STEAP4: variants seen among roughly 807,000 people sequenced by gnomAD.
STEAP4 encodes metalloreductase STEAP4.
Under a neutral mutation model 43.6 loss-of-function variants are expected in STEAP4, and 36 were observed. The ratio of observed to expected loss-of-function variants is 0.83; its 90% CI spans 0.63 to 1.09. The LOEUF is 1.09. Ranked by LOEUF, STEAP4 falls within the 50% of genes least tolerant of loss-of-function variation. STEAP4 has a pLI of 0.00. For synonymous variants in STEAP4, 191 were observed against 196.7 expected, an observed-to-expected ratio of 0.97 and a Z score of 0.24; for missense variants, 495 against 546.5, an observed-to-expected ratio of 0.91 and a Z score of 0.94.
At position 88,279,060 on chromosome 7, in the gene STEAP4, G is replaced by A. The variant is rs936591152; in HGVS notation, c.*338C>T. On this transcript the variant is annotated 3_prime_UTR_variant, in exon 5 of 5. Transcript: ENST00000380079. The stretch of plus-strand genomic sequence containing the variant: ...AGAAGGAAGCTGCAATACTTCTATT[G>A]GATTTTGCAAGACATTAGGTCATGC... 2 of 257,510 alleles carry A rather than the reference G, an allele frequency of 7.8e-6. No individual in the cohort carries two copies. The highest frequency in any genetic ancestry group is 9.2e-5 in the East Asian group (1 of 10,890). The allele number at this position is 257,510 out of a possible 1,614,324, so 16.0% of individuals were successfully genotyped here.
intron 3 of STEAP4, 100 bp downstream of exon 3, chr7:88,282,541 A>T: frequency 6.2e-6 from 7 of 1,129,728 alleles, no homozygotes; most frequent in Non-Finnish European, 8.7e-6. Flanking sequence ...AAAAAAGAAG[A>T]TGCTTAGAAG....
In STEAP4 at chr7:88,276,213, C is replaced by G. The variant is rs372273803; in HGVS notation, c.*3185G>C. ...GTAATACTGAAGCACACACAGCATA[C>G]TGGACTGTGCCACCCCGCTGAGCTC... is the stretch of plus-strand genomic sequence containing the variant. On this transcript the variant is annotated 3_prime_UTR_variant, in exon 5 of 5. Transcript: ENST00000380079. 6.6e-6 allele frequency: 1 copy of G among 152,284 alleles called. No individual in the cohort carries two copies. Among genetic ancestry groups the G allele is most frequent in the African/African-American group, 2.4e-5 (1 of 41,460 alleles). 9.4% of individuals were successfully genotyped at this position (152,284 alleles called of 1,614,324 possible).
At position 88,279,429 on chromosome 7, in the gene STEAP4, C is replaced by T. The variant is rs139169038; in HGVS notation, c.1349G>A (p.Arg450His). The change falls in exon 5 of 5, where the codon CGC (arginine) becomes CAC (histidine). Residue 450 changes from arginine to histidine, a missense_variant. Arg to His is a conservative substitution (Grantham distance 29). Coordinates refer to ENST00000380079, the MANE Select transcript of STEAP4 (RefSeq NM_024636.4). ...TTTTGAGTTCCTTTCCCAGCCCTGG[C>T]GGATCCTTGTAAGGGTGTTGTCTAC... The part of the protein sequence containing the change: ...PCVDNTLTRI[R>H]QGWERNSKH 2.0e-4 allele frequency: 324 copies of T among 1,614,098 alleles called. No homozygotes were observed. Among genetic ancestry groups the T allele is most frequent in the Non-Finnish European group, 2.6e-4 (301 of 1,179,984 alleles).
chr7:88,287,842 T>C (rs1198578789), intron 1 of STEAP4, among the ~76,000 whole-genome samples: 1 of 152,228 alleles, frequency 6.6e-6, no homozygotes, highest in Non-Finnish European at 1.5e-5. Flanking sequence ...CTGTTAGTCC[T>C]ACAAAGGCAG....
intron 1 of STEAP4, among the ~76,000 whole-genome samples, chr7:88,291,523 T>C (rs951001273): frequency 6.6e-6 from 1 of 151,106 alleles, no homozygotes; most frequent in African/African-American, 2.4e-5. Flanking sequence ...GAAATAGATA[T>C]ATGCACACTC....
chr7:88,294,388 A>G (rs1200245989), intron 1 of STEAP4, among the ~76,000 whole-genome samples: 2 of 152,032 alleles, frequency 1.3e-5, no homozygotes, highest in African/African-American at 4.8e-5. Flanking sequence ...ATATGCAAGT[A>G]ACTTAAAATG....
chr7:88,283,706 A>G, intron 2 of STEAP4, 108 bp downstream of exon 2: 2 of 1,210,108 alleles, frequency 1.7e-6, no homozygotes, highest in Non-Finnish European at 2.3e-6. Context: ...GCAAAATGTA[A>G]TATTTAGTGG....
At chr7:88,298,959 A>T (rs1304788322) in intron 1 of STEAP4, among the ~76,000 whole-genome samples, 4 of 152,228 alleles carry the variant, frequency 2.6e-5, no homozygotes, top group African/African-American at 4.8e-5. Flanking sequence ...AAGTCACAAG[A>T]GCATAATTAA....
intron 3 of STEAP4, 172 bp downstream of exon 3, chr7:88,282,469 A>G (rs934436760): frequency 1.4e-6 from 1 of 708,898 alleles, no homozygotes; most frequent in Non-Finnish European, 2.3e-6. Flanking sequence ...TAATAGTTGT[A>G]TGAGATCTAA....
chr7:88,283,785 A>C (rs763037641), intron 2 of STEAP4, 29 bp downstream of exon 2: 15 of 1,578,574 alleles, frequency 9.5e-6, no homozygotes, highest in Admixed American at 3.6e-5. Flanking sequence ...CATGTTTTAA[A>C]GATTGAGTGT....
At position 88,277,663 on chromosome 7, in the gene STEAP4, C is replaced by A. The variant is rs1364857030; in HGVS notation, c.*1735G>T. The A allele has an allele frequency of 6.6e-6, 1 of 152,106 alleles. No individual in the cohort carries two copies. The highest frequency in any genetic ancestry group is 1.5e-5 in the Non-Finnish European group (1 of 68,040). The allele number at this position is 152,106 out of a possible 1,614,324, so 9.4% of individuals were successfully genotyped here. A position where few individuals can be genotyped will look rare whatever the true frequency, so the allele number is the denominator to read the frequency against. ...TCACTTGACGCCAGCATTTCAAGAC[C>A]AGCCTGACCAATGTGGTGAAACCCT... is the stretch of plus-strand genomic sequence containing the variant. On this transcript the variant is annotated 3_prime_UTR_variant, in exon 5 of 5. Transcript: ENST00000380079.
rs1482587771 is a variant in STEAP4, at chr7:88,273,718, G to A, written c.*5680C>T. 2.0e-5 allele frequency: 3 copies of A among 151,998 alleles called. No homozygotes were observed. The highest frequency in any genetic ancestry group is 6.6e-5 in the Admixed American group (1 of 15,262). The allele number at this position is 151,998 out of a possible 1,614,324, so 9.4% of individuals were successfully genotyped here. A position where few individuals can be genotyped will look rare whatever the true frequency, so the allele number is the denominator to read the frequency against. ...CTATCCTCTCCTTGACTGCCCCTTC[G>A]AGTCCTCAGGTCTGGGGATTTTACC... is the stretch of plus-strand genomic sequence containing the variant. On this transcript the variant is annotated 3_prime_UTR_variant, in exon 5 of 5. Coordinates refer to ENST00000380079, the MANE Select transcript of STEAP4 (RefSeq NM_024636.4).
At chr7:88,302,337 T>C (rs1853049726) in intron 1 of STEAP4, among the ~76,000 whole-genome samples, 1 of 152,198 alleles carries the variant, frequency 6.6e-6, no homozygotes, top group Non-Finnish European at 1.5e-5. Flanking sequence ...ATGAAGCATA[T>C]AATCAAATTG....
rs1041783620 is a variant in STEAP4 at position 88,279,297 on chromosome 7, A to T, written c.*101T>A. On this transcript the variant is annotated 3_prime_UTR_variant, in exon 5 of 5. Transcript: ENST00000380079. ...ACGGTGTAAGAAAAAAACTTTCCTA[A>T]CTGTACCCATCATTCTTCTTTAAAC... 20 of 1,137,782 alleles carry T rather than the reference A, an allele frequency of 1.8e-5. No homozygotes were observed. The Admixed American group carries it at 4.0e-4, about 23-fold the overall frequency. The allele number at this position is 1,137,782 out of a possible 1,614,324, so 70.5% of individuals were successfully genotyped here. A position where few individuals can be genotyped will look rare whatever the true frequency, so the allele number is the denominator to read the frequency against.
chr7:88,288,854 T>G (rs1368310086), intron 1 of STEAP4, among the ~76,000 whole-genome samples: 1 of 152,152 alleles, frequency 6.6e-6, no homozygotes, highest in Non-Finnish European at 1.5e-5. Context: ...AAAACTAAAC[T>G]GAAATACTGT....
chr7:88,305,806 T>C (rs1054303329), intron 1 of STEAP4, among the ~76,000 whole-genome samples: 8 of 152,238 alleles, frequency 5.3e-5, no homozygotes, highest in African/African-American at 1.9e-4. Flanking sequence ...TTCTGGATCA[T>C]CTGGCCCAGT....
intron 1 of STEAP4, among the ~76,000 whole-genome samples, chr7:88,290,610 A>G (rs1278807505): frequency 6.6e-6 from 1 of 152,164 alleles, no homozygotes; most frequent in African/African-American, 2.4e-5. Flanking sequence ...AAAAATTTCT[A>G]AGTAACTAAA....
intron 2 of STEAP4, 36 bp from the exon 3 acceptor site, chr7:88,283,204 TC>T: frequency 2.0e-6 from 3 of 1,501,130 alleles, no homozygotes; most frequent in Non-Finnish European, 2.7e-6. Flanking sequence ...CTGTATTTAC[TC>T]CTTTTCCTTA....
At position 88,282,648 on chromosome 7, in the gene STEAP4, A is replaced by G. The variant is rs2115956580; in HGVS notation, c.977T>C (p.Val326Ala). Residue 326 changes from valine (V) to alanine (A), a missense_variant, in exon 3 of 5, where the codon GTT (valine) becomes GCT (alanine). Val to Ala is a moderately conservative substitution (Grantham distance 64). Transcript: ENST00000380079. Reference sequence around the variant, plus strand: ...ATATAAGAAGAGATTTACCTGGGTAACGGTTAAGTTTCCCAATCTCCATCG... The same window carrying G: ...ATATAAGAAGAGATTTACCTGGGTAGCGGTTAAGTTTCCCAATCTCCATCG... ...YVRWRLGNLT[V>A]TQAILKKENP... 6.2e-7 allele frequency: 1 copy of G among 1,612,176 alleles called. No homozygotes were observed. The highest frequency in any genetic ancestry group is 2.2e-5 in the East Asian group (1 of 44,820).
Sources: allele counts gnomAD v4.1 joint callset (sites outside exome capture counted in the v4.1 genomes callset), GRCh38; gene constraint gnomAD v4.1.1; transcripts MANE v1.5; gene names NCBI Gene and HGNC (gene_info 2026-07-23, HGNC 2026-07-21).